FRMD4A: variants seen among roughly 807,000 people sequenced by gnomAD.
The protein encoded by FRMD4A is FERM domain containing 4A.
Under a neutral mutation model 129.1 loss-of-function variants are expected in FRMD4A, and 29 were observed. The ratio of observed to expected loss-of-function variants is 0.22; its 90% CI spans 0.17 to 0.31. The LOEUF is 0.31. Ranked by LOEUF, FRMD4A falls within the 10% of genes least tolerant of loss-of-function variation. The probability of loss-of-function intolerance (pLI) is 1.00; values close to 1 mark genes in which losing one functional copy is unlikely to be tolerated. For missense variants in FRMD4A, 1,272 were observed against 1,375.8 expected (o/e 0.92, Z 1.19); for synonymous variants, 634 against 571.6 (o/e 1.11, Z -1.56).
At chr10:13,737,991 TGGA>T (rs2135043631) in intron 11 of FRMD4A, 61 bp from the exon 12 acceptor site, 1 of 937,590 alleles carries the variant, frequency 1.1e-6, no homozygotes, top group South Asian at 1.3e-5. Context: ...ACACGCAAAG[TGGA>T]GATTTCCTGG....
chr10:14,121,551 C>G (rs1172135424), intron 2 of FRMD4A, among the ~76,000 whole-genome samples: 1 of 152,150 alleles, frequency 6.6e-6, no homozygotes, highest in Non-Finnish European at 1.5e-5. Context: ...GCTACAGTCA[C>G]CTGTTACCTG....
chr10:13,747,369 T>A (rs1034667250), intron 9 of FRMD4A, among the ~76,000 whole-genome samples: 1 of 151,528 alleles, frequency 6.6e-6, no homozygotes, highest in African/African-American at 2.4e-5. Flanking sequence ...AAACCCGGTC[T>A]CTACTAAAAA....
intron 3 of FRMD4A, among the ~76,000 whole-genome samples, chr10:13,813,497 A>G (rs1010659925): frequency 6.6e-6 from 1 of 152,242 alleles, no homozygotes; most frequent in Non-Finnish European, 1.5e-5. Context: ...ATGGGGCTAC[A>G]TCGTGGTAAG....
chr10:13,803,258 C>A (rs1047998820), intron 4 of FRMD4A, among the ~76,000 whole-genome samples: 1 of 151,930 alleles, frequency 6.6e-6, no homozygotes, highest in Non-Finnish European at 1.5e-5. Flanking sequence ...ATTACTAAAT[C>A]ATGGGCTCTC....
chr10:13,926,095 C>T (rs764008284), intron 2 of FRMD4A, among the ~76,000 whole-genome samples: 8 of 152,026 alleles, frequency 5.3e-5, no homozygotes, highest in East Asian at 3.9e-4. Flanking sequence ...AAACCACAGA[C>T]GAGGGGAATA....
intron 2 of FRMD4A, among the ~76,000 whole-genome samples, chr10:13,910,141 C>A (rs980192096): frequency 2.9e-4 from 44 of 152,346 alleles, no homozygotes; most frequent in African/African-American, 1.0e-3. Context: ...CCACTTGAAT[C>A]TGGGCTGGTC....
chr10:13,657,452 C>A lies in FRMD4A; in HGVS notation c.2137G>T (p.Glu713Ter). 1 of 1,612,102 alleles carries A rather than the reference C, an allele frequency of 6.2e-7. No individual in the cohort carries two copies. The change falls in exon 22 of 25, where the codon GAG (glutamate) becomes TAG (stop). Residue 713 changes from glutamate (E) to a stop codon, truncating the protein, a stop_gained. Transcript: ENST00000357447. LOFTEE classifies it high-confidence loss of function. ...LHFRHRSSSL[E>*]SQGKLLGSEN... ...GAGCCCAGGAGCTTGCCCTGGGACT[C>A]CAGGCTGGAGCTCCGGTGCCTAAAG...
chr10:14,257,521 G>A (rs139805942), intron 2 of FRMD4A, among the ~76,000 whole-genome samples: 6 of 152,258 alleles, frequency 3.9e-5, no homozygotes, highest in East Asian at 1.9e-4. Context: ...GTATCCCCTC[G>A]AAAATGCATG....
intron 2 of FRMD4A, among the ~76,000 whole-genome samples, chr10:14,219,763 C>A (rs1215502216): frequency 1.3e-5 from 2 of 152,154 alleles, no homozygotes; most frequent in East Asian, 3.9e-4. Context: ...CTGTGTGCAT[C>A]CTCAGTCCAG....
chr10:13,774,518 G>C (rs540298702), intron 6 of FRMD4A, among the ~76,000 whole-genome samples: 1 of 152,322 alleles, frequency 6.6e-6, no homozygotes, highest in Middle Eastern at 3.4e-3. Context: ...GTTCCCTCCC[G>C]ATCCCTGGAT....
rs1564300618 is a variant in FRMD4A at position 14,110,129 on chromosome 10, A to AAAAAAAAAAAAAAAAAG, written c.45+219928_45+219929insCTTTTTTTTTTTTTTTT. On this transcript the variant is annotated intron_variant, in intron 2 of 24. Transcript: ENST00000357447. ...GGGCAACAAAGCGAGATGCTGTAAAAAAAAAAAAAAAAAAAAAAGCTCTTT... is the reference window on the plus strand; with the variant it reads ...GGGCAACAAAGCGAGATGCTGTAAAAAAAAAAAAAAAAAAAAGAAAAAAAAAAAAAAAAAAGCTCTTT... Among the ~76,000 whole-genome samples the AAAAAAAAAAAAAAAAAG allele has an allele frequency of 1.6e-3, 237 of 149,230 alleles. 4 individuals are homozygous for AAAAAAAAAAAAAAAAAG. Among genetic ancestry groups the AAAAAAAAAAAAAAAAAG allele is most frequent in the African/African-American group, 5.7e-3 (230 of 40,568 alleles).
rs17154565 is a variant in FRMD4A, at chr10:14,070,105, A to C, written c.46-211193T>G. Among the ~76,000 whole-genome samples, 1,059 of 152,208 alleles carry C rather than the reference A, an allele frequency of 7.0e-3. 18 individuals carry two copies. Among genetic ancestry groups the C allele is most frequent in the African/African-American group, 0.023 (975 of 41,526 alleles). On this transcript the variant is annotated intron_variant, in intron 2 of 24. Transcript: ENST00000357447. Reference sequence around the variant, plus strand: ...AATCACACATTTACCAGAGCTGCTCAGTGTCTGTCTCTCTGTCCCCACACT... The same window carrying C: ...AATCACACATTTACCAGAGCTGCTCCGTGTCTGTCTCTCTGTCCCCACACT...
At chr10:13,808,103 A>G (rs1000215312) in intron 4 of FRMD4A, among the ~76,000 whole-genome samples, 2 of 152,210 alleles carry the variant, frequency 1.3e-5, no homozygotes, top group African/African-American at 2.4e-5. Context: ...TCAGCCTACT[A>G]TTAGAAATTC....
intron 2 of FRMD4A, among the ~76,000 whole-genome samples, chr10:14,215,311 A>T (rs181787402): frequency 2.4e-4 from 36 of 152,328 alleles, no homozygotes; most frequent in Middle Eastern, 6.8e-3. Flanking sequence ...GTTTGAAAGG[A>T]TCCAATATTT....
At chr10:13,935,059 C>T (rs918868912) in intron 2 of FRMD4A, among the ~76,000 whole-genome samples, 2 of 152,044 alleles carry the variant, frequency 1.3e-5, no homozygotes, top group African/African-American at 2.4e-5. Context: ...GGCAGAATCC[C>T]GTTCATGAAT....
Position 13,783,016 on chromosome 10 carries a change from A to G in FRMD4A, c.300-10T>C, listed in dbSNP as rs776413109. The G allele has an allele frequency of 4.8e-6, 5 of 1,050,826 alleles. No homozygotes were observed. In the African/African-American group the frequency reaches 7.8e-5, roughly 16 times the overall value. 65.1% of individuals were successfully genotyped at this position (1,050,826 alleles called of 1,614,324 possible). The stretch of plus-strand genomic sequence containing the variant: ...GCTTTCTATATAGAACCTGAAAGAG[A>G]AAAATGGTGCGTGAACCACAGAAAC... On this transcript the variant is annotated splice_polypyrimidine_tract_variant and intron_variant, in intron 5 of 24. Coordinates refer to ENST00000357447, the MANE Select transcript of FRMD4A (RefSeq NM_018027.5).
intron 2 of FRMD4A, among the ~76,000 whole-genome samples, chr10:13,998,742 T>C (rs533101187): frequency 2.4e-4 from 36 of 152,272 alleles, no homozygotes; most frequent in African/African-American, 6.7e-4. Flanking sequence ...TCAGAGTCCA[T>C]TCACTTCTCA....
At chr10:14,019,641 T>C (rs1832639825) in intron 2 of FRMD4A, among the ~76,000 whole-genome samples, 1 of 152,204 alleles carries the variant, frequency 6.6e-6, no homozygotes, top group African/African-American at 2.4e-5. Context: ...CATGTACACA[T>C]ATTATTTTGA....
rs142709328 is a variant in FRMD4A at position 14,247,494 on chromosome 10, C to CCT, written c.45+82562_45+82563dup. On this transcript the variant is annotated intron_variant, in intron 2 of 24. Transcript: ENST00000357447. Reference sequence around the variant, plus strand: ...CTAGGTAGGTTAACATACAGATAGGCCTCTCTCTCTCTCTCACTCTCACTT... The same window carrying CCT: ...CTAGGTAGGTTAACATACAGATAGGCCTCTCTCTCTCTCTCTCACTCTCACTT... Among the ~76,000 whole-genome samples, 577 of 150,788 alleles carry CCT rather than the reference C, an allele frequency of 3.8e-3. 2 individuals carry two copies. Among genetic ancestry groups the CCT allele is most frequent in the Non-Finnish European group, 5.9e-3 (401 of 67,546 alleles).
Sources: allele counts gnomAD v4.1 joint callset (sites outside exome capture counted in the v4.1 genomes callset), GRCh38; gene constraint gnomAD v4.1.1; transcripts MANE v1.5; gene names NCBI Gene and HGNC (gene_info 2026-07-23, HGNC 2026-07-21).